Variants in DACH1 observed in about 807,000 individuals in gnomAD.
DACH1 encodes dachshund family transcription factor 1, also known as dachshund homolog 1.
A neutral mutation model predicts 54.2 loss-of-function variants in DACH1; 12 were observed. The ratio of observed to expected loss-of-function variants is 0.22; its 90% CI spans 0.14 to 0.36. The LOEUF (loss-of-function observed/expected upper bound fraction) is 0.36, where lower values mean the gene tolerates loss of function less well. Among genes scored for constraint, DACH1 ranks in the 10% least tolerant of loss-of-function variants. DACH1 has a pLI of 1.00. For synonymous variants in DACH1, 386 were observed against 366.2 expected (o/e 1.05, Z -0.62); for missense variants, 805 against 929.8 (o/e 0.87, Z 1.75).
At chr13:71,595,347 A>G (rs1202425055) in intron 3 of DACH1, among the ~76,000 whole-genome samples, 1 of 152,108 alleles carries the variant, frequency 6.6e-6, no homozygotes, top group Non-Finnish European at 1.5e-5. Context: ...TGATTATGAA[A>G]TAGGAAGCCT....
At chr13:71,546,623 T>C (rs1883484427) in intron 6 of DACH1, among the ~76,000 whole-genome samples, 1 of 151,950 alleles carries the variant, frequency 6.6e-6, no homozygotes, top group African/African-American at 2.4e-5. Flanking sequence ...AGCATTTCTA[T>C]ACACAATATA....
At chr13:71,693,283 T>C (rs1881617694) in intron 1 of DACH1, among the ~76,000 whole-genome samples, 1 of 147,730 alleles carries the variant, frequency 6.8e-6, no homozygotes, top group Admixed American at 6.7e-5. Flanking sequence ...TACCCTCTTA[T>C]CCATTTGTTT....
At chr13:71,457,125 A>G (rs959817087) in intron 10 of DACH1, among the ~76,000 whole-genome samples, 7 of 152,066 alleles carry the variant, frequency 4.6e-5, no homozygotes, top group Non-Finnish European at 1.0e-4. Context: ...AATGCATTAT[A>G]CTGTTCAAAT....
chr13:71,812,004 A>G (rs1887732120), intron 1 of DACH1, among the ~76,000 whole-genome samples: 1 of 152,166 alleles, frequency 6.6e-6, no homozygotes, highest in Non-Finnish European at 1.5e-5. Flanking sequence ...ATCTTTTAAA[A>G]ACTGACTTAC....
intron 1 of DACH1, among the ~76,000 whole-genome samples, chr13:71,834,979 A>T (rs1888725959): frequency 6.6e-6 from 1 of 152,000 alleles, no homozygotes; most frequent in Non-Finnish European, 1.5e-5. Flanking sequence ...AGAGAAATTT[A>T]GTGTTGAGGC....
At chr13:71,597,248 T>C (rs1874161067) in intron 3 of DACH1, among the ~76,000 whole-genome samples, 2 of 152,176 alleles carry the variant, frequency 1.3e-5, no homozygotes, top group African/African-American at 4.8e-5. Context: ...TTTTAAGTGT[T>C]CTTACAACAA....
At chr13:71,703,474 T>C (rs1440696295) in intron 1 of DACH1, among the ~76,000 whole-genome samples, 1 of 152,182 alleles carries the variant, frequency 6.6e-6, no homozygotes, top group African/African-American at 2.4e-5. Context: ...AGTCCTCAAA[T>C]ATAAAGAAAT....
At chr13:71,823,282 G>T (rs1391082654) in intron 1 of DACH1, among the ~76,000 whole-genome samples, 1 of 151,890 alleles carries the variant, frequency 6.6e-6, no homozygotes, top group Non-Finnish European at 1.5e-5. Context: ...CTATTATTAA[G>T]ACAAAGGAAA....
rs145597421 is a variant in DACH1, at chr13:71,472,124, G to T, written c.2083+3017C>A. On this transcript the variant is annotated intron_variant, in intron 10 of 10. Coordinates refer to ENST00000613252, the MANE Select transcript of DACH1 (RefSeq NM_080759.6). ...TTAATGGCCATATATTTCAGTTCCT[G>T]GAAGAAGTTTTTTTAAAATTTTTGA... 3.9e-5 allele frequency among the ~76,000 whole-genome samples: 6 copies of T among 152,214 alleles called. No homozygotes were observed. The East Asian group carries it at 1.2e-3, about 29-fold the overall frequency.
intron 2 of DACH1, among the ~76,000 whole-genome samples, chr13:71,631,550 A>G (rs1037141419): frequency 1.3e-5 from 2 of 152,196 alleles, no homozygotes; most frequent in African/African-American, 4.8e-5. Flanking sequence ...AATGAAAGCT[A>G]ACACTTAGCT....
chr13:71,572,898 A>G lies in DACH1; in HGVS notation c.1241T>C (p.Met414Thr). Residue 414 changes from methionine to threonine, a missense_variant, in exon 4 of 11, where the codon ATG becomes ACG. Coordinates refer to ENST00000613252, the MANE Select transcript of DACH1 (RefSeq NM_080759.6). ...QMNHLSTIAN[M>T]AAAAQVQSPP... ...ACTCTGAACTTGTGCTGCTGCTGCCATATTTGCAATGGTGCTGAGGTGGTT... is the reference window on the plus strand; with the variant it reads ...ACTCTGAACTTGTGCTGCTGCTGCCGTATTTGCAATGGTGCTGAGGTGGTT... The G allele has an allele frequency of 6.2e-7, 1 of 1,614,070 alleles. No individual in the cohort carries two copies. The highest frequency in any genetic ancestry group is 8.5e-7 in the Non-Finnish European group (1 of 1,179,944).
intron 1 of DACH1, among the ~76,000 whole-genome samples, chr13:71,715,546 C>T (rs1001013658): frequency 1.3e-5 from 2 of 152,018 alleles, no homozygotes; most frequent in Non-Finnish European, 2.9e-5. Context: ...CACTATTCTT[C>T]CTCCTGCCCT....
chr13:71,800,707 A>G (rs1310544843), intron 1 of DACH1, among the ~76,000 whole-genome samples: 1 of 152,130 alleles, frequency 6.6e-6, no homozygotes, highest in African/African-American at 2.4e-5. Flanking sequence ...ATGACTCATT[A>G]TGATAAAATG....
chr13:71,468,156 T>C (rs990551651), intron 10 of DACH1, among the ~76,000 whole-genome samples: 2 of 152,114 alleles, frequency 1.3e-5, no homozygotes, highest in African/African-American at 4.8e-5. Flanking sequence ...CAAGTCGATT[T>C]CCCAAAAAGG....
At chr13:71,639,734 A>C (rs1007246243) in intron 2 of DACH1, among the ~76,000 whole-genome samples, 3 of 152,068 alleles carry the variant, frequency 2.0e-5, no homozygotes, top group African/African-American at 7.2e-5. Context: ...AGGAACTTCT[A>C]TGAAAGCTTT....
At chr13:71,801,211 T>C (rs1305060887) in intron 1 of DACH1, among the ~76,000 whole-genome samples, 4 of 152,148 alleles carry the variant, frequency 2.6e-5, no homozygotes, top group Non-Finnish European at 5.9e-5. Context: ...CTGAAAGTCT[T>C]CAATCTTCAC....
rs556160801 is a variant in DACH1 at position 71,508,702 on chromosome 13, C to T, written c.1571-19554G>A. ...AGCTGATCTCGAACTCCTGGGCTCA[C>T]GCCATCCTCCTGCCTCAGCCTCCCA... On this transcript the variant is annotated intron_variant, in intron 6 of 10. Coordinates refer to ENST00000613252, the MANE Select transcript of DACH1 (RefSeq NM_080759.6). Among the ~76,000 whole-genome samples the T allele has an allele frequency of 3.9e-5, 6 of 151,986 alleles. No individual in the cohort carries two copies. The East Asian group carries it at 9.7e-4, about 25-fold the overall frequency.
chr13:71,622,856 T>C (rs956688387), intron 3 of DACH1, among the ~76,000 whole-genome samples: 2 of 151,800 alleles, frequency 1.3e-5, no homozygotes, highest in Admixed American at 6.6e-5. Context: ...CTCTATTATC[T>C]AGTCATTAGT....
At chr13:71,635,645 C>A (rs1877429959) in intron 2 of DACH1, among the ~76,000 whole-genome samples, 1 of 152,158 alleles carries the variant, frequency 6.6e-6, no homozygotes, top group Admixed American at 6.5e-5. Context: ...TTGCCACACC[C>A]TTTTCCTTCC....
Sources: gnomAD v4.1 joint callset for allele counts (sites outside exome capture counted in the v4.1 genomes callset) on GRCh38, gnomAD v4.1.1 for gene constraint, MANE v1.5 for transcripts, NCBI Gene and HGNC (gene_info 2026-07-23, HGNC 2026-07-21) for gene names.